Variants in NAALADL2 observed in about 807,000 individuals in gnomAD.
NAALADL2 encodes the protein N-acetylated alpha-linked acidic dipeptidase like 2, also known as inactive N-acetylated-alpha-linked acidic dipeptidase-like protein 2.
NAALADL2 carries 76 observed loss-of-function variants against 87.2 expected under a neutral mutation model. The ratio of observed to expected loss-of-function variants is 0.87; its 90% CI spans 0.72 to 1.05. The LOEUF is 1.05. NAALADL2 is among the 50% of genes least tolerant of loss of function. The probability of loss-of-function intolerance (pLI) is 0.00; values close to 1 mark genes in which losing one functional copy is unlikely to be tolerated. For synonymous variants in NAALADL2, 354 were observed against 331.0 expected, an observed-to-expected ratio of 1.07 and a Z score of -0.75; for missense variants, 1,089 against 945.8, an observed-to-expected ratio of 1.15 and a Z score of -1.99.
chr3:174,869,714 G>T (rs1727569902), intron 1 of NAALADL2, among the ~76,000 whole-genome samples: 1 of 152,082 alleles, frequency 6.6e-6, no homozygotes, highest in Admixed American at 6.6e-5. Context: ...TAGTGTCAGT[G>T]AATGTGGGAA....
intron 3 of NAALADL2, among the ~76,000 whole-genome samples, chr3:174,809,379 G>C (rs1001588580): frequency 6.6e-6 from 1 of 152,150 alleles, no homozygotes; most frequent in Non-Finnish European, 1.5e-5. Context: ...AAAGTATTCA[G>C]ATATGGCCTA....
chr3:174,459,526 A>T (rs541398068), intron 1 of NAALADL2: 1 of 152,334 alleles, frequency 6.6e-6, no homozygotes, highest in East Asian at 1.9e-4. Flanking sequence ...ACTTGAGGGA[A>T]TGCTTATTTG....
chr3:174,557,932 C>A (rs770040863), intron 2 of NAALADL2, among the ~76,000 whole-genome samples: 8 of 152,130 alleles, frequency 5.3e-5, no homozygotes, highest in Non-Finnish European at 1.0e-4. Context: ...TTTGTGACAT[C>A]AAATGTGAAA....
intron 2 of NAALADL2, among the ~76,000 whole-genome samples, chr3:175,173,261 C>T (rs992946784): frequency 1.3e-5 from 2 of 151,590 alleles, no homozygotes; most frequent in African/African-American, 4.9e-5. Flanking sequence ...TACCGCACTC[C>T]AGCCTTGGTG....
intron 2 of NAALADL2, among the ~76,000 whole-genome samples, chr3:175,200,994 C>A (rs1294871629): frequency 1.4e-4 from 21 of 152,142 alleles, no homozygotes; most frequent in Admixed American, 9.2e-4. Flanking sequence ...ACAGATAGCA[C>A]CTCTTCCATG....
chr3:175,355,801 A>G (rs1361804972), intron 5 of NAALADL2, among the ~76,000 whole-genome samples: 1 of 152,182 alleles, frequency 6.6e-6, no homozygotes, highest in Non-Finnish European at 1.5e-5. Context: ...TGTCATCACC[A>G]GAAATGAAGT....
chr3:174,590,055 C>CT (rs1395445377), intron 2 of NAALADL2, among the ~76,000 whole-genome samples: 1 of 151,932 alleles, frequency 6.6e-6, no homozygotes, highest in Non-Finnish European at 1.5e-5. Context: ...AAGCAGAATT[C>CT]TTTTTTTAGA....
At chr3:174,638,033 G>A (rs958428591) in intron 2 of NAALADL2, among the ~76,000 whole-genome samples, 1 of 151,966 alleles carries the variant, frequency 6.6e-6, no homozygotes, top group Admixed American at 6.6e-5. Context: ...ACCAATAGTA[G>A]CATTTTCAAA....
At chr3:174,640,977 C>T (rs1178674358) in intron 2 of NAALADL2, among the ~76,000 whole-genome samples, 1 of 152,180 alleles carries the variant, frequency 6.6e-6, no homozygotes, top group Non-Finnish European at 1.5e-5. Flanking sequence ...GAGACCGTTC[C>T]TTCCCCCGGG....
intron 2 of NAALADL2, 58 bp downstream of exon 2, chr3:175,097,349 A>C: frequency 6.7e-7 from 1 of 1,492,140 alleles, no homozygotes; most frequent in Non-Finnish European, 9.1e-7. Flanking sequence ...AATGTCTCAC[A>C]GGGGGTATTG....
intron 5 of NAALADL2, among the ~76,000 whole-genome samples, chr3:175,347,144 G>A (rs1475188674): frequency 2.0e-5 from 3 of 152,164 alleles, no homozygotes. Context: ...GCACACTGGT[G>A]ACTCAGAGCT....
At chr3:174,955,919 T>C (rs552394998) in intron 1 of NAALADL2, among the ~76,000 whole-genome samples, 18 of 152,202 alleles carry the variant, frequency 1.2e-4, no homozygotes, top group African/African-American at 4.1e-4. Flanking sequence ...CTTTGAAAAC[T>C]TGTGATTTGT....
chr3:175,273,482 G>GTA (rs1282205854), intron 4 of NAALADL2, among the ~76,000 whole-genome samples: 1 of 152,002 alleles, frequency 6.6e-6, no homozygotes, highest in African/African-American at 2.4e-5. Flanking sequence ...TTCCATGTTA[G>GTA]TATCTTCCAT....
At chr3:175,588,542 T>A (rs1268568612) in intron 10 of NAALADL2, among the ~76,000 whole-genome samples, 1 of 132,278 alleles carries the variant, frequency 7.6e-6, no homozygotes, top group African/African-American at 2.9e-5. Flanking sequence ...TTCTTTTTTT[T>A]TTTTTTTTTT....
intron 2 of NAALADL2, among the ~76,000 whole-genome samples, chr3:175,154,010 T>C (rs1211928523): frequency 2.6e-5 from 4 of 152,212 alleles, no homozygotes; most frequent in African/African-American, 7.2e-5. Flanking sequence ...CTCATCTTTT[T>C]CCCCAAAATG....
intron 2 of NAALADL2, among the ~76,000 whole-genome samples, chr3:175,213,513 A>G (rs1213684985): frequency 1.3e-5 from 2 of 152,112 alleles, no homozygotes; most frequent in Non-Finnish European, 2.9e-5. Flanking sequence ...GAAGACACAC[A>G]GCTTTTGAAG....
chr3:174,792,379 G>A (rs1295886590), intron 3 of NAALADL2, among the ~76,000 whole-genome samples: 1 of 152,146 alleles, frequency 6.6e-6, no homozygotes, highest in African/African-American at 2.4e-5. Flanking sequence ...TTTAGATACT[G>A]CTTTAAAACT....
At chr3:175,492,755 A>T (rs1728282990) in intron 9 of NAALADL2, among the ~76,000 whole-genome samples, 1 of 152,170 alleles carries the variant, frequency 6.6e-6, no homozygotes, top group Non-Finnish European at 1.5e-5. Flanking sequence ...ATACATATAC[A>T]GCTGTGTAAA....
chr3:174,749,725 T>C (rs577208468), intron 3 of NAALADL2, among the ~76,000 whole-genome samples: 18 of 152,292 alleles, frequency 1.2e-4, no homozygotes, highest in East Asian at 5.8e-4. Flanking sequence ...ATCTGGACAA[T>C]GCCATACAAT....
Sources: gnomAD v4.1 joint callset for allele counts (sites outside exome capture counted in the v4.1 genomes callset) on GRCh38, gnomAD v4.1.1 for gene constraint, MANE v1.5 for transcripts, NCBI Gene and HGNC (gene_info 2026-07-23, HGNC 2026-07-21) for gene names.